RASA3: variants seen among roughly 807,000 people sequenced by gnomAD.
RASA3 encodes the protein RAS p21 protein activator 3, also known as ras GTPase-activating protein 3.
A neutral mutation model predicts 110.0 loss-of-function variants in RASA3; 73 were observed. That is an observed-to-expected ratio of 0.66 (90% CI 0.55 to 0.81). The LOEUF (loss-of-function observed/expected upper bound fraction) is 0.81. Ranked by LOEUF, RASA3 falls within the 30% of genes least tolerant of loss-of-function variation. RASA3 has a pLI of 0.00. For missense variants in RASA3, 976 were observed against 1,113.2 expected (o/e 0.88, Z 1.75); for synonymous variants, 500 against 451.4 (o/e 1.11, Z -1.37).
chr13:114,057,286 C>T lies in RASA3; in HGVS notation c.174-5131G>A, dbSNP rs1039884810. 4.1e-6 allele frequency: 4 copies of T among 985,332 alleles called. No individual in the cohort carries two copies. The African/African-American group carries it at 5.2e-5, about 13-fold the overall frequency. The allele number at this position is 985,332 out of a possible 1,614,324, so 61.0% of individuals were successfully genotyped here. On this transcript the variant is annotated intron_variant, in intron 2 of 23. Transcript: ENST00000334062. The surrounding 1 kb of genome is among the most constrained non-coding windows in gnomAD (Gnocchi z 5.0). Reference sequence around the variant, plus strand: ...TTCAGGAAACCAGGCAGGACATCTGCAGGCGGCCGGCCAGCCTTATCAACG... The same window carrying T: ...TTCAGGAAACCAGGCAGGACATCTGTAGGCGGCCGGCCAGCCTTATCAACG...
chr13:114,100,220 G>C (rs1424157305), intron 1 of RASA3, among the ~76,000 whole-genome samples: 1 of 151,788 alleles, frequency 6.6e-6, no homozygotes, highest in Non-Finnish European at 1.5e-5. Context: ...CCGGCCCGCG[G>C]TGCTGAGGGC....
intron 1 of RASA3, among the ~76,000 whole-genome samples, chr13:114,075,834 C>T (rs908091134): frequency 4.0e-5 from 3 of 74,448 alleles, no homozygotes; most frequent in African/African-American, 1.5e-4. Context: ...CCTCCCGTGT[C>T]GGCGCCGCGT....
rs754381931 is a variant in RASA3, at chr13:114,027,443, C to T, written c.549G>A (p.Thr183=). The change falls in exon 7 of 24, where the codon ACG becomes ACA. Residue 183 remains threonine, a synonymous_variant. Coordinates refer to ENST00000334062, the MANE Select transcript of RASA3 (RefSeq NM_007368.4). ...AGPFRSEAKK[T]KVKRKTNNPQ... ...GATTGTTGGTCTTCCTCTTCACTTT[C>T]GTCTTCTTTGCTTCTGATCTGTTAT... The T allele has an allele frequency of 1.6e-5, 26 of 1,612,858 alleles. No homozygotes were observed. Among genetic ancestry groups the T allele is most frequent in the South Asian group, 1.2e-4 (11 of 91,048 alleles).
Position 114,112,540 on chromosome 13 carries a change from C to T in RASA3, c.55+19895G>A, listed in dbSNP as rs867582200. Among the ~76,000 whole-genome samples the T allele has an allele frequency of 2.6e-5, 4 of 152,162 alleles. No homozygotes were observed. The highest frequency in any genetic ancestry group is 7.2e-5 in the African/African-American group (3 of 41,436). On this transcript the variant is annotated intron_variant, in intron 1 of 23. Coordinates refer to ENST00000334062, the MANE Select transcript of RASA3 (RefSeq NM_007368.4). The surrounding 1 kb of genome is among the most constrained non-coding windows in gnomAD (Gnocchi z 4.8). Reference sequence around the variant, plus strand: ...CGCCAGCCCCAGCTCTGTAGGGGTGCGGCCTGCCTCGAGCACTTCACACGC... The same window carrying T: ...CGCCAGCCCCAGCTCTGTAGGGGTGTGGCCTGCCTCGAGCACTTCACACGC...
chr13:113,996,177 C>T (rs930419092), intron 21 of RASA3, among the ~76,000 whole-genome samples: 1 of 152,114 alleles, frequency 6.6e-6, no homozygotes, highest in Non-Finnish European at 1.5e-5. Flanking sequence ...CTGGGCCAGA[C>T]GAAGCTTTCA....
chr13:114,115,345 G>T lies in RASA3; in HGVS notation c.55+17090C>A, dbSNP rs1159567383. 1.3e-5 allele frequency among the ~76,000 whole-genome samples: 2 copies of T among 152,212 alleles called. No individual in the cohort carries two copies. Among genetic ancestry groups the T allele is most frequent in the Admixed American group, 6.5e-5 (1 of 15,280 alleles). ...CCCCACCTTGGTGACACAGAGGCTG[G>T]ACAGTCACACCGACCCTTGGCCCGG... On this transcript the variant is annotated intron_variant, in intron 1 of 23. Transcript: ENST00000334062. This position sits in a 1 kb window ranked among gnomAD's most constrained non-coding sequence, Gnocchi z 5.0.
chr13:114,000,111 G>C (rs1360096164), intron 19 of RASA3, among the ~76,000 whole-genome samples: 1 of 121,518 alleles, frequency 8.2e-6, no homozygotes, highest in East Asian at 2.9e-4. Context: ...TGTTGGGGTG[G>C]TCTCTGCCAG....
chr13:113,982,201 C>A (rs2052952399), intron 22 of RASA3, among the ~76,000 whole-genome samples: 1 of 152,218 alleles, frequency 6.6e-6, no homozygotes, highest in Non-Finnish European at 1.5e-5. Context: ...CACCAGCCCG[C>A]CCAGCCAGAA....
At chr13:114,087,359 T>G (rs956732626) in intron 1 of RASA3, among the ~76,000 whole-genome samples, 2 of 152,112 alleles carry the variant, frequency 1.3e-5, no homozygotes, top group Non-Finnish European at 2.9e-5. Flanking sequence ...TCTGGAGTAT[T>G]TATTCCCTTC....
rs1337302936 is a variant in RASA3, at chr13:114,015,482, C to T, written c.1282-150G>A. On this transcript the variant is annotated intron_variant, in intron 13 of 23. Coordinates refer to ENST00000334062, the MANE Select transcript of RASA3 (RefSeq NM_007368.4). ...GTGAGACACGTGTGAACAGCCACTC[C>T]CTGGAAATCTGTGCTGGGAGCTGTG... The T allele has an allele frequency of 5.2e-6, 5 of 955,946 alleles. No individual in the cohort carries two copies. The East Asian group carries it at 7.8e-5, about 15-fold the overall frequency. 59.2% of individuals were successfully genotyped at this position (955,946 alleles called of 1,614,324 possible). A position where few individuals can be genotyped will look rare whatever the true frequency, so the allele number is the denominator to read the frequency against.
chr13:114,036,348 C>T (rs2054277696), intron 4 of RASA3, among the ~76,000 whole-genome samples: 1 of 152,256 alleles, frequency 6.6e-6, no homozygotes, highest in Non-Finnish European at 1.5e-5. Flanking sequence ...CTGTGACTCA[C>T]TTGCTGGCCT....
rs897724675 is a variant in RASA3, at chr13:114,115,904, T to A, written c.55+16531A>T. Among the ~76,000 whole-genome samples, 1 of 152,204 alleles carries A rather than the reference T, an allele frequency of 6.6e-6. No individual in the cohort carries two copies. The highest frequency in any genetic ancestry group is 2.4e-5 in the African/African-American group (1 of 41,450). On this transcript the variant is annotated intron_variant, in intron 1 of 23. Coordinates refer to ENST00000334062, the MANE Select transcript of RASA3 (RefSeq NM_007368.4). The surrounding 1 kb of genome is among the most constrained non-coding windows in gnomAD (Gnocchi z 5.0). ...TACTTTCTGTCATAACCAGCAGGCT[T>A]AAAGAAGAAACCCAAACGCTCTGTG...
Position 114,062,816 on chromosome 13 carries a change from G to A in RASA3, c.174-10661C>T, listed in dbSNP as rs539173057. 1.2e-4 allele frequency among the ~76,000 whole-genome samples: 18 copies of A among 152,344 alleles called. No homozygotes were observed. In the East Asian group the frequency reaches 1.7e-3, roughly 15 times the overall value. ...GCTGCTGAGGGAGCAACAGCAGAAC[G>A]GTGCTCAGCCCTGGAGAGGAAGGAC... On this transcript the variant is annotated intron_variant, in intron 2 of 23. Coordinates refer to ENST00000334062, the MANE Select transcript of RASA3 (RefSeq NM_007368.4).
chr13:114,042,447 A>C (rs367763688), intron 3 of RASA3, among the ~76,000 whole-genome samples: 23 of 152,274 alleles, frequency 1.5e-4, no homozygotes, highest in African/African-American at 5.3e-4. Context: ...AAATGTTGGC[A>C]GACTCCTCAC....
chr13:114,024,136 T>A, intron 8 of RASA3, 143 bp downstream of exon 8: 1 of 902,114 alleles, frequency 1.1e-6, no homozygotes, highest in East Asian at 2.6e-5. Context: ...CAACTACAAC[T>A]TCTAACATCC....
chr13:114,039,839 C>A (rs934904282), intron 4 of RASA3, among the ~76,000 whole-genome samples: 2 of 152,236 alleles, frequency 1.3e-5, no homozygotes, highest in Admixed American at 1.3e-4. Flanking sequence ...AAGCTCCCCC[C>A]ACTGGACAGG....
intron 1 of RASA3, among the ~76,000 whole-genome samples, chr13:114,106,623 A>T (rs182862062): frequency 2.0e-5 from 3 of 152,330 alleles, no homozygotes; most frequent in Non-Finnish European, 2.9e-5. Context: ...TCCCACTTAG[A>T]ACACGCTTCC....
In RASA3 at chr13:114,112,593, ATGGGG is replaced by A. The variant is rs1277317576; in HGVS notation, c.55+19837_55+19841del. ...GCCCGGGGATGCTGGTGCTGCAGGT[ATGGGG>A]ACCCCGCTAGGAGAGCCCCGGGTTA... On this transcript the variant is annotated intron_variant, in intron 1 of 23. Coordinates refer to ENST00000334062, the MANE Select transcript of RASA3 (RefSeq NM_007368.4). The surrounding 1 kb of genome is among the most constrained non-coding windows in gnomAD (Gnocchi z 4.8). Among the ~76,000 whole-genome samples the A allele has an allele frequency of 6.6e-6, 1 of 152,058 alleles. No individual in the cohort carries two copies. The highest frequency in any genetic ancestry group is 1.5e-5 in the Non-Finnish European group (1 of 67,994).
At chr13:114,068,195 G>A (rs1330965656) in intron 2 of RASA3, among the ~76,000 whole-genome samples, 2 of 152,180 alleles carry the variant, frequency 1.3e-5, no homozygotes, top group Admixed American at 6.5e-5. Flanking sequence ...ACCCTGCAAA[G>A]GACGCAGGAG....
Sources: allele counts gnomAD v4.1 joint callset (sites outside exome capture counted in the v4.1 genomes callset), GRCh38; gene constraint gnomAD v4.1.1; non-coding constraint Gnocchi (gnomAD v3.1); transcripts MANE v1.5; gene names NCBI Gene and HGNC (gene_info 2026-07-23, HGNC 2026-07-21).